SGCZ: variants seen among roughly 807,000 people sequenced by gnomAD.
The protein encoded by SGCZ is zeta-sarcoglycan.
In SGCZ, 40 loss-of-function variants were observed where a neutral mutation model predicts 41.3. That is an observed-to-expected ratio of 0.97 (90% CI 0.75 to 1.26). The LOEUF (loss-of-function observed/expected upper bound fraction) is 1.26. Ranked by LOEUF, SGCZ falls within the 50% of genes most tolerant of loss-of-function variation. The pLI is 0.00. For synonymous variants in SGCZ, 206 were observed against 137.5 expected (o/e 1.50, Z -3.49); for missense variants, 552 against 369.8 (o/e 1.49, Z -4.04).
intron 1 of SGCZ, among the ~76,000 whole-genome samples, chr8:14,817,807 C>A (rs1482072879): frequency 6.6e-6 from 1 of 152,304 alleles, no homozygotes; most frequent in East Asian, 1.9e-4. Flanking sequence ...AACCAGCACA[C>A]AGCTACATCC....
intron 1 of SGCZ, among the ~76,000 whole-genome samples, chr8:14,809,139 G>C (rs1370965265): frequency 6.6e-6 from 1 of 151,978 alleles, no homozygotes; most frequent in African/African-American, 2.4e-5. Flanking sequence ...TAGATGACAA[G>C]TTAGTGGGTG....
intron 2 of SGCZ, among the ~76,000 whole-genome samples, chr8:14,549,013 A>C (rs1280191960): frequency 6.6e-6 from 1 of 152,080 alleles, no homozygotes; most frequent in Non-Finnish European, 1.5e-5. Flanking sequence ...GGTTGTAAAG[A>C]AGTGTTAGCA....
chr8:14,627,741 G>GA (rs1390150763), intron 1 of SGCZ, among the ~76,000 whole-genome samples: 1 of 139,652 alleles, frequency 7.2e-6, no homozygotes, highest in Non-Finnish European at 1.6e-5. Context: ...CAGTCTCAAT[G>GA]AATTACTTCA....
chr8:14,862,526 C>T (rs1803786203), intron 1 of SGCZ, among the ~76,000 whole-genome samples: 1 of 99,850 alleles, frequency 1.0e-5, no homozygotes, highest in Admixed American at 1.3e-4. Context: ...ACAAAAATTG[C>T]ATCTTTAAGA....
At chr8:14,885,108 C>G (rs1804738243) in intron 1 of SGCZ, among the ~76,000 whole-genome samples, 1 of 152,136 alleles carries the variant, frequency 6.6e-6, no homozygotes. Flanking sequence ...AAATCCCATC[C>G]CAGGTGGGCT....
At chr8:14,224,455 C>G (rs1276094417) in intron 4 of SGCZ, among the ~76,000 whole-genome samples, 1 of 152,168 alleles carries the variant, frequency 6.6e-6, no homozygotes, top group Non-Finnish European at 1.5e-5. Context: ...GTTGGAAAAT[C>G]CTTTAAACAT....
At chr8:14,857,208 T>C (rs1421116316) in intron 1 of SGCZ, among the ~76,000 whole-genome samples, 1 of 152,222 alleles carries the variant, frequency 6.6e-6, no homozygotes, top group African/African-American at 2.4e-5. Context: ...GTAAGTTTCC[T>C]GAGGCCTGCT....
intron 5 of SGCZ, among the ~76,000 whole-genome samples, chr8:14,113,001 G>A (rs906717999): frequency 6.6e-6 from 1 of 151,934 alleles, no homozygotes. Context: ...ATTACCTCTC[G>A]AAAGAAGAAA....
At chr8:14,937,674 C>A (rs1437217912) in intron 1 of SGCZ, among the ~76,000 whole-genome samples, 1 of 152,050 alleles carries the variant, frequency 6.6e-6, no homozygotes, top group Non-Finnish European at 1.5e-5. Flanking sequence ...TAGAAAATAA[C>A]AATGAATTGT....
At chr8:15,221,353 T>C (rs1470938325) in intron 1 of SGCZ, among the ~76,000 whole-genome samples, 1 of 152,154 alleles carries the variant, frequency 6.6e-6, no homozygotes, top group Non-Finnish European at 1.5e-5. Context: ...GTAAGATTTA[T>C]TTTCAGGTGA....
chr8:14,612,710 A>G (rs8180903), intron 1 of SGCZ, among the ~76,000 whole-genome samples: 51,983 of 151,822 alleles, frequency 0.34, 9,151 homozygotes, highest in East Asian at 0.62. Context: ...TTTTTTTAAA[A>G]GACTCTCACT....
At chr8:14,524,818 A>G (rs995102451) in intron 2 of SGCZ, among the ~76,000 whole-genome samples, 6 of 151,902 alleles carry the variant, frequency 3.9e-5, no homozygotes, top group Non-Finnish European at 8.8e-5. Flanking sequence ...ATCATTGCAT[A>G]TATCTCCTTT....
At chr8:14,506,107 G>A (rs1192179760) in intron 2 of SGCZ, among the ~76,000 whole-genome samples, 1 of 152,046 alleles carries the variant, frequency 6.6e-6, no homozygotes, top group Non-Finnish European at 1.5e-5. Flanking sequence ...GGAGGCCGAG[G>A]CAGGCGGATC....
intron 2 of SGCZ, among the ~76,000 whole-genome samples, chr8:14,355,175 C>T (rs1193519706): frequency 6.6e-6 from 1 of 151,898 alleles, no homozygotes; most frequent in Non-Finnish European, 1.5e-5. Context: ...TGTTTGTGTA[C>T]TTTGTTTATA....
intron 1 of SGCZ, among the ~76,000 whole-genome samples, chr8:14,848,986 A>C (rs1051173476): frequency 6.6e-6 from 1 of 152,140 alleles, no homozygotes; most frequent in African/African-American, 2.4e-5. Flanking sequence ...AATAATAAGA[A>C]AGCCAACAAT....
At chr8:14,133,534 G>A (rs1015465116) in intron 5 of SGCZ, among the ~76,000 whole-genome samples, 1 of 152,086 alleles carries the variant, frequency 6.6e-6, no homozygotes, top group African/African-American at 2.4e-5. Flanking sequence ...TGGAACCAGG[G>A]GCCAGGACTC....
intron 1 of SGCZ, among the ~76,000 whole-genome samples, chr8:14,910,291 T>C (rs374248557): frequency 6.6e-6 from 1 of 152,068 alleles, no homozygotes; most frequent in Non-Finnish European, 1.5e-5. Context: ...CCAATACACA[T>C]TGATATATAT....
At chr8:14,561,544 G>A (rs1228995502) in intron 1 of SGCZ, among the ~76,000 whole-genome samples, 1 of 152,012 alleles carries the variant, frequency 6.6e-6, no homozygotes, top group Non-Finnish European at 1.5e-5. Context: ...CAGTAACTAG[G>A]ACCCTTTTTA....
At chr8:14,517,591 T>A (rs1802660693) in intron 2 of SGCZ, among the ~76,000 whole-genome samples, 1 of 152,074 alleles carries the variant, frequency 6.6e-6, no homozygotes, top group Non-Finnish European at 1.5e-5. Context: ...AGAAGCTTTA[T>A]ATTTTTTATA....
Sources: gnomAD v4.1 joint callset for allele counts (sites outside exome capture counted in the v4.1 genomes callset) on GRCh38, gnomAD v4.1.1 for gene constraint, MANE v1.5 for transcripts, NCBI Gene and HGNC (gene_info 2026-07-23, HGNC 2026-07-21) for gene names.